Variants in SUPT3H observed in about 807,000 individuals in gnomAD.
SUPT3H encodes the protein transcription initiation protein SPT3 homolog.
A neutral mutation model predicts 44.3 loss-of-function variants in SUPT3H; 44 were observed. That is an observed-to-expected ratio of 0.99 (90% CI 0.78 to 1.28). SUPT3H has a LOEUF of 1.28. Ranked by LOEUF, SUPT3H falls within the 50% of genes most tolerant of loss-of-function variation. The pLI, the probability that SUPT3H is intolerant of heterozygous loss-of-function variation, is 0.00. For missense variants in SUPT3H, 380 were observed against 387.1 expected (o/e 0.98, Z 0.15); for synonymous variants, 124 against 125.6 (o/e 0.99, Z 0.09).
chr6:44,918,787 G>A (rs1013525154), intron 10 of SUPT3H, among the ~76,000 whole-genome samples: 1 of 152,140 alleles, frequency 6.6e-6, no homozygotes, highest in African/African-American at 2.4e-5. Context: ...TACACAAAAG[G>A]GGGTCTGGTG....
At chr6:45,283,132 T>C (rs1251533178) in intron 2 of SUPT3H, among the ~76,000 whole-genome samples, 1 of 152,106 alleles carries the variant, frequency 6.6e-6, no homozygotes, top group Non-Finnish European at 1.5e-5. Flanking sequence ...TGCAAAAACA[T>C]GCCAAATTGT....
chr6:45,222,650 T>TA, intron 2 of SUPT3H, among the ~76,000 whole-genome samples: 2 of 152,278 alleles, frequency 1.3e-5, no homozygotes, highest in Non-Finnish European at 2.9e-5. Context: ...TTTAAAAAAT[T>TA]AAACACACAA....
At chr6:45,141,553 C>G (rs543191019) in intron 2 of SUPT3H, among the ~76,000 whole-genome samples, 1 of 151,294 alleles carries the variant, frequency 6.6e-6, no homozygotes, top group Non-Finnish European at 1.5e-5. Context: ...CTTAGAGAAA[C>G]ACAAAATCTA....
chr6:45,323,970 C>T (rs1707400040), intron 2 of SUPT3H, among the ~76,000 whole-genome samples: 1 of 151,970 alleles, frequency 6.6e-6, no homozygotes, highest in Non-Finnish European at 1.5e-5. Flanking sequence ...TTGGTTTTGT[C>T]AGTAGCATGT....
intron 2 of SUPT3H, chr6:45,321,962 A>G: frequency 2.2e-6 from 2 of 914,112 alleles, no homozygotes; most frequent in Non-Finnish European, 3.3e-6. Flanking sequence ...AGAAATATTC[A>G]TTAATCATCA....
intron 6 of SUPT3H, among the ~76,000 whole-genome samples, chr6:44,967,231 G>A (rs1479338365): frequency 6.6e-6 from 1 of 152,094 alleles, no homozygotes; most frequent in Non-Finnish European, 1.5e-5. Context: ...TTTTAAAAAG[G>A]TAAAACAGAA....
At position 44,855,153 on chromosome 6, in the gene SUPT3H, G is replaced by A. The variant is rs1202946600; in HGVS notation, c.913-25296C>T. On this transcript the variant is annotated intron_variant, in intron 10 of 10. Coordinates refer to ENST00000371459, the MANE Select transcript of SUPT3H (RefSeq NM_003599.4). ...ACATGGAATTGCACACAAACATCTT[G>A]CACTTTCTAGAGAGGGTCATATAAT... Among the ~76,000 whole-genome samples, 3 of 152,262 alleles carry A rather than the reference G, an allele frequency of 2.0e-5. No homozygotes were observed. The East Asian group carries it at 5.8e-4, about 29-fold the overall frequency.
intron 10 of SUPT3H, among the ~76,000 whole-genome samples, chr6:44,891,134 AAAG>A (rs1324170644): frequency 6.6e-6 from 1 of 152,182 alleles, no homozygotes; most frequent in African/African-American, 2.4e-5. Flanking sequence ...ATAATAATAA[AAAG>A]AAGAAGACCT....
At chr6:44,889,934 C>A (rs1763007928) in intron 10 of SUPT3H, among the ~76,000 whole-genome samples, 1 of 151,266 alleles carries the variant, frequency 6.6e-6, no homozygotes, top group Non-Finnish European at 1.5e-5. Context: ...CAAACAACCC[C>A]ATCAAAAAGT....
At chr6:45,357,426 G>A (rs1034738042) in intron 2 of SUPT3H, among the ~76,000 whole-genome samples, 1 of 150,818 alleles carries the variant, frequency 6.6e-6, no homozygotes, top group Non-Finnish European at 1.5e-5. Flanking sequence ...AACCTCCTAG[G>A]TGCAAGTGAT....
chr6:44,964,233 G>T (rs1390930835), intron 6 of SUPT3H, among the ~76,000 whole-genome samples: 2 of 151,870 alleles, frequency 1.3e-5, no homozygotes, highest in African/African-American at 4.8e-5. Flanking sequence ...TATTCCACAG[G>T]GCAAATGACT....
chr6:45,318,250 CAG>C (rs1156581964), intron 2 of SUPT3H, among the ~76,000 whole-genome samples: 1 of 152,026 alleles, frequency 6.6e-6, no homozygotes, highest in African/African-American at 2.4e-5. Flanking sequence ...TAGTTATTAA[CAG>C]GGATTGTGGA....
chr6:45,207,531 G>A (rs558616045), intron 2 of SUPT3H, among the ~76,000 whole-genome samples: 3 of 152,288 alleles, frequency 2.0e-5, no homozygotes, highest in South Asian at 4.1e-4. Context: ...TGTTGTTTAA[G>A]ATGAGTAAAA....
intron 2 of SUPT3H, among the ~76,000 whole-genome samples, chr6:45,223,501 A>G (rs920050393): frequency 6.6e-6 from 1 of 152,014 alleles, no homozygotes; most frequent in African/African-American, 2.4e-5. Context: ...AAAATTTCAG[A>G]TTCCCAGAAT....
intron 2 of SUPT3H, among the ~76,000 whole-genome samples, chr6:45,339,985 A>C (rs965669468): frequency 6.6e-6 from 1 of 152,170 alleles, no homozygotes; most frequent in African/African-American, 2.4e-5. Flanking sequence ...CAGATGAGGA[A>C]GCTGAGAATG....
intron 10 of SUPT3H, among the ~76,000 whole-genome samples, chr6:44,918,651 AGC>A (rs1233861011): frequency 2.0e-5 from 3 of 152,214 alleles, no homozygotes; most frequent in Non-Finnish European, 2.9e-5. Context: ...GGAAGGCAAA[AGC>A]TTAGCAGAAG....
intron 7 of SUPT3H, among the ~76,000 whole-genome samples, chr6:44,960,528 G>T (rs1775879124): frequency 6.6e-6 from 1 of 151,748 alleles, no homozygotes; most frequent in South Asian, 2.1e-4. Flanking sequence ...CATATTAGGA[G>T]ACTTTAAGAT....
At chr6:44,880,864 G>A (rs1023452378) in intron 10 of SUPT3H, among the ~76,000 whole-genome samples, 14 of 152,002 alleles carry the variant, frequency 9.2e-5, no homozygotes, top group East Asian at 1.9e-4. Flanking sequence ...AATCCTTTAC[G>A]GACAATCAAA....
At chr6:45,005,494 C>T (rs933578325) in intron 5 of SUPT3H, among the ~76,000 whole-genome samples, 2 of 152,044 alleles carry the variant, frequency 1.3e-5, no homozygotes, top group African/African-American at 4.8e-5. Context: ...AATCCCAGCA[C>T]TTTGGGAGGC....
Sources: gnomAD v4.1 joint callset for allele counts (sites outside exome capture counted in the v4.1 genomes callset) on GRCh38, gnomAD v4.1.1 for gene constraint, MANE v1.5 for transcripts, NCBI Gene and HGNC (gene_info 2026-07-23, HGNC 2026-07-21) for gene names.